Variants in RNF10 observed in about 807,000 individuals in gnomAD.
RNF10 encodes E3 ubiquitin-protein ligase RNF10.
RNF10 carries 38 observed loss-of-function variants against 91.4 expected under a neutral mutation model. The observed-to-expected ratio is 0.42, with a 90% CI of 0.32 to 0.54. The LOEUF (loss-of-function observed/expected upper bound fraction) is 0.54, where lower values mean the gene tolerates loss of function less well. Ranked by LOEUF, RNF10 falls within the 20% of genes least tolerant of loss-of-function variation. RNF10 has a pLI of 0.16. For synonymous variants in RNF10, 364 were observed against 366.3 expected (o/e 0.99, Z 0.07); for missense variants, 945 against 1,012.0 (o/e 0.93, Z 0.90).
intron 12 of RNF10, 29 bp from the exon 13 acceptor site, chr12:120,566,796 G>C: frequency 1.3e-6 from 2 of 1,587,924 alleles, no homozygotes; most frequent in Non-Finnish European, 1.7e-6. Context: ...TCTGTAAATG[G>C]GTTTACAAGG....
intron 2 of RNF10, among the ~76,000 whole-genome samples, chr12:120,550,895 C>G (rs35607217): frequency 0.073 from 11,134 of 152,092 alleles, 570 homozygotes; most frequent in East Asian, 0.12. Context: ...CACACCCGGC[C>G]CAGAATGCGG....
In RNF10 at chr12:120,576,689, C is replaced by T. The variant is rs764613670; in HGVS notation, c.*23C>T. On this transcript the variant is annotated 3_prime_UTR_variant, in exon 17 of 17. Coordinates refer to ENST00000325954, the MANE Select transcript of RNF10 (RefSeq NM_014868.5). ...TGACACTACTGGCCCAGGCTACCTT[C>T]TCCATCTGGTTTTTGTTTTTGTTTT... 3.1e-6 allele frequency: 5 copies of T among 1,593,632 alleles called. No homozygotes were observed. Among genetic ancestry groups the T allele is most frequent in the South Asian group, 1.2e-5 (1 of 86,654 alleles).
At chr12:120,560,067 A>G (rs1874611324) in intron 6 of RNF10, among the ~76,000 whole-genome samples, 1 of 151,890 alleles carries the variant, frequency 6.6e-6, no homozygotes, top group African/African-American at 2.4e-5. Flanking sequence ...GGTGTGAGCC[A>G]CTGCGCTGGT....
chr12:120,560,690 T>C (rs781157507), intron 6 of RNF10, 36 bp from the exon 7 acceptor site: 3 of 1,595,538 alleles, frequency 1.9e-6, no homozygotes, highest in Non-Finnish European at 1.7e-6. Context: ...GAGCTTTGAA[T>C]GTTGCATTTC....
intron 4 of RNF10, among the ~76,000 whole-genome samples, chr12:120,555,316 G>A (rs1236299051): frequency 6.6e-6 from 1 of 151,650 alleles, no homozygotes; most frequent in Non-Finnish European, 1.5e-5. Flanking sequence ...TGAGTAGCTG[G>A]GATTACAGGC....
intron 13 of RNF10, among the ~76,000 whole-genome samples, chr12:120,567,826 C>T (rs1875996248): frequency 6.6e-6 from 1 of 151,222 alleles, no homozygotes; most frequent in Non-Finnish European, 1.5e-5. Flanking sequence ...AAAAAAACAC[C>T]ACCACCACCA....
chr12:120,536,323 G>A (rs1267981815), intron 1 of RNF10, among the ~76,000 whole-genome samples: 1 of 152,040 alleles, frequency 6.6e-6, no homozygotes, highest in African/African-American at 2.4e-5. Flanking sequence ...ACTTGGAAGG[G>A]TAAGGTGGGA....
At chr12:120,539,851 C>G (rs1376647346) in intron 1 of RNF10, among the ~76,000 whole-genome samples, 1 of 149,558 alleles carries the variant, frequency 6.7e-6, no homozygotes, top group South Asian at 2.2e-4. Flanking sequence ...TTTTTTTTTT[C>G]CCTCAAGACA....
Position 120,563,596 on chromosome 12 carries a change from A to C in RNF10, c.1504A>C (p.Ser502Arg). The change falls in exon 9 of 17, where the codon AGC becomes CGC. Residue 502 changes from serine (S) to arginine (R), a missense_variant. Coordinates refer to ENST00000325954, the MANE Select transcript of RNF10 (RefSeq NM_014868.5). ...CAAGTCAGGCTTCACACGCCTCAGC[A>C]GCTCTCCTTGTTACTACTTTTACCA... ...ITKSGFTRLS[S>R]SPCYYFYQAE... 6.2e-7 allele frequency: 1 copy of C among 1,608,186 alleles called. No homozygotes were observed. Among genetic ancestry groups the C allele is most frequent in the Non-Finnish European group, 8.5e-7 (1 of 1,176,834 alleles).
At chr12:120,536,992 C>G (rs141191211) in intron 1 of RNF10, among the ~76,000 whole-genome samples, 1 of 152,186 alleles carries the variant, frequency 6.6e-6, no homozygotes, top group Non-Finnish European at 1.5e-5. Flanking sequence ...TCTGATTACC[C>G]AACAAGATGA....
At chr12:120,540,949 G>A (rs1225973242) in intron 1 of RNF10, among the ~76,000 whole-genome samples, 2 of 151,608 alleles carry the variant, frequency 1.3e-5, no homozygotes, top group African/African-American at 2.4e-5. Context: ...TCCACCTCCC[G>A]GGTTCAAGCT....
chr12:120,554,652 AT>A (rs1873683496), intron 3 of RNF10, 65 bp from the exon 4 acceptor site: 2 of 1,276,510 alleles, frequency 1.6e-6, no homozygotes, highest in Non-Finnish European at 1.1e-6. Context: ...ATAGATGACA[AT>A]TTCTGCTGAG....
chr12:120,555,148 C>T (rs949946181), intron 4 of RNF10, among the ~76,000 whole-genome samples: 5 of 152,222 alleles, frequency 3.3e-5, no homozygotes, highest in African/African-American at 4.8e-5. Context: ...AGGCCTCAGC[C>T]TTGTGGCAGG....
chr12:120,548,681 T>C (rs1872642098), intron 2 of RNF10, among the ~76,000 whole-genome samples: 1 of 142,834 alleles, frequency 7.0e-6, no homozygotes, highest in Non-Finnish European at 1.5e-5. Flanking sequence ...TTTTTTGAGA[T>C]GGAGTCTCGC....
chr12:120,540,939 T>C (rs1329138710), intron 1 of RNF10, among the ~76,000 whole-genome samples: 1 of 150,494 alleles, frequency 6.6e-6, no homozygotes, highest in Non-Finnish European at 1.5e-5. Context: ...TGCCGCAACC[T>C]CCACCTCCCG....
chr12:120,546,396 T>A lies in RNF10; in HGVS notation c.158-9T>A, dbSNP rs754280886. ...TCTTAAGACGTTCTTTTGTGTTTCT[T>A]GCTTTCAGATGGAAAGAACTCCAGT... On this transcript the variant is annotated splice_polypyrimidine_tract_variant and intron_variant, in intron 1 of 16. Transcript: ENST00000325954. The A allele has an allele frequency of 6.2e-7, 1 of 1,602,272 alleles. No homozygotes were observed. Among genetic ancestry groups the A allele is most frequent in the Non-Finnish European group, 8.5e-7 (1 of 1,174,990 alleles).
intron 4 of RNF10, among the ~76,000 whole-genome samples, 196 bp from the exon 5 acceptor site, chr12:120,557,085 CA>C (rs36018229): frequency 0.062 from 6,874 of 111,266 alleles, 460 homozygotes; most frequent in African/African-American, 0.21. Context: ...TGGACCGTCT[CA>C]AAAAAAAAAA....
intron 1 of RNF10, 68 bp from the exon 2 acceptor site, chr12:120,546,328 TGCTGGGAGG>T: frequency 1.5e-6 from 2 of 1,360,396 alleles, no homozygotes; most frequent in South Asian, 1.3e-5. Context: ...CCTTATTTTT[TGCTGGGAGG>T]TGGAGGGCAG....
intron 7 of RNF10, among the ~76,000 whole-genome samples, chr12:120,562,395 C>T (rs1437171901): frequency 6.6e-6 from 1 of 151,124 alleles, no homozygotes; most frequent in African/African-American, 2.4e-5. Context: ...CTGCCTCAGC[C>T]TCCTGAGTAG....
Sources: gnomAD v4.1 joint callset for allele counts (sites outside exome capture counted in the v4.1 genomes callset) on GRCh38, gnomAD v4.1.1 for gene constraint, MANE v1.5 for transcripts, NCBI Gene and HGNC (gene_info 2026-07-23, HGNC 2026-07-21) for gene names.